MCC: variants seen among roughly 807,000 people sequenced by gnomAD.
MCC encodes MCC regulator of Wnt signaling pathway.
MCC carries 90 observed loss-of-function variants against 116.2 expected under a neutral mutation model. That is an observed-to-expected ratio of 0.77 (90% CI 0.65 to 0.92). The LOEUF (loss-of-function observed/expected upper bound fraction) is 0.92, where lower values mean the gene tolerates loss of function less well. MCC is among the 40% of genes least tolerant of loss of function. MCC has a pLI of 0.00. For synonymous variants in MCC, 578 were observed against 510.5 expected (o/e 1.13, Z -1.78); for missense variants, 1,516 against 1,312.2 (o/e 1.16, Z -2.40).
At chr5:113,354,577 G>C (rs1768363150) in intron 2 of MCC, among the ~76,000 whole-genome samples, 1 of 151,668 alleles carries the variant, frequency 6.6e-6, no homozygotes, top group Non-Finnish European at 1.5e-5. Context: ...TGGGATTACA[G>C]GCATGCACCA....
At chr5:113,073,103 C>G (rs1754156319) in intron 11 of MCC, among the ~76,000 whole-genome samples, 1 of 149,444 alleles carries the variant, frequency 6.7e-6, no homozygotes, top group South Asian at 2.1e-4. Context: ...TTCAGTTCAT[C>G]AGCTGTCATT....
At chr5:113,397,207 A>G (rs530044788) in intron 1 of MCC, among the ~76,000 whole-genome samples, 3 of 152,228 alleles carry the variant, frequency 2.0e-5, no homozygotes, top group Non-Finnish European at 4.4e-5. Context: ...TATGACATGC[A>G]TCTGAAGGAA....
At position 113,181,757 on chromosome 5, in the gene MCC, A is replaced by G. The variant is rs528869948; in HGVS notation, c.628-30335T>C. Among the ~76,000 whole-genome samples the G allele has an allele frequency of 5.3e-5, 8 of 152,358 alleles. No homozygotes were observed. The South Asian group carries it at 1.7e-3, about 32-fold the overall frequency. On this transcript the variant is annotated intron_variant, in intron 3 of 18. Transcript: ENST00000408903. ...GCCTGGAGAGTTCCCTTCTTCACAT[A>G]TAAAACTCACAATTACAAAACCAAA...
At chr5:113,042,788 T>A (rs1183239432) in intron 17 of MCC, among the ~76,000 whole-genome samples, 2 of 151,348 alleles carry the variant, frequency 1.3e-5, no homozygotes, top group African/African-American at 2.4e-5. Flanking sequence ...TAAAAAAAAA[T>A]TTCATTAATA....
intron 6 of MCC, among the ~76,000 whole-genome samples, chr5:113,108,652 C>CAAA (rs58617659): frequency 1.4e-4 from 16 of 115,324 alleles, no homozygotes; most frequent in African/African-American, 5.3e-4. Flanking sequence ...GACTCCATTT[C>CAAA]AAAAAAAAAA....
chr5:113,367,997 T>C (rs185742179), intron 2 of MCC, among the ~76,000 whole-genome samples: 1 of 152,290 alleles, frequency 6.6e-6, no homozygotes, highest in African/African-American at 2.4e-5. Context: ...TCAGTGGGAA[T>C]ACATGAAAGA....
intron 3 of MCC, among the ~76,000 whole-genome samples, chr5:113,215,570 G>T (rs111988628): frequency 0.026 from 3,917 of 152,150 alleles, 56 homozygotes; most frequent in Non-Finnish European, 0.033. Flanking sequence ...ATGGGCTGGC[G>T]GGGGAGGGCG....
At chr5:113,130,409 T>C (rs1337149955) in intron 5 of MCC, among the ~76,000 whole-genome samples, 2 of 152,066 alleles carry the variant, frequency 1.3e-5, no homozygotes, top group Non-Finnish European at 1.5e-5. Context: ...CAAACCACCA[T>C]GGCACATGTA....
chr5:113,225,033 G>A (rs73244755), intron 3 of MCC, among the ~76,000 whole-genome samples: 7,288 of 152,192 alleles, frequency 0.048, 464 homozygotes, highest in African/African-American at 0.15. Context: ...TGAAGAATGA[G>A]GCCACATCCA....
chr5:113,398,392 CA>C (rs1321012756), intron 1 of MCC, among the ~76,000 whole-genome samples: 1 of 152,164 alleles, frequency 6.6e-6, no homozygotes, highest in Admixed American at 6.5e-5. Context: ...GTATGCTAAT[CA>C]CAGCACTATT....
At chr5:113,321,877 G>A (rs961571010) in intron 3 of MCC, among the ~76,000 whole-genome samples, 2 of 152,014 alleles carry the variant, frequency 1.3e-5, no homozygotes, top group Non-Finnish European at 2.9e-5. Flanking sequence ...TGTTGCCCAG[G>A]CTGGAGTGCA....
At chr5:113,402,296 A>G (rs868566171) in intron 1 of MCC, among the ~76,000 whole-genome samples, 2 of 141,454 alleles carry the variant, frequency 1.4e-5, no homozygotes, top group Non-Finnish European at 3.2e-5. Flanking sequence ...TCCGTCTCAA[A>G]AAAAAAAAAA....
intron 3 of MCC, among the ~76,000 whole-genome samples, chr5:113,169,921 A>G (rs1455645708): frequency 1.3e-5 from 2 of 152,178 alleles, no homozygotes; most frequent in Non-Finnish European, 2.9e-5. Flanking sequence ...AAATGATAAC[A>G]TTTCTATTCT....
At chr5:113,273,247 G>A (rs1374756655) in intron 3 of MCC, among the ~76,000 whole-genome samples, 1 of 152,190 alleles carries the variant, frequency 6.6e-6, no homozygotes, top group East Asian at 1.9e-4. Context: ...CAGAAGGAAT[G>A]CCATGAGTAT....
chr5:113,043,609 G>A lies in MCC; in HGVS notation c.2677C>T (p.Pro893Ser). The A allele has an allele frequency of 6.2e-7, 1 of 1,613,980 alleles. No homozygotes were observed. Among genetic ancestry groups the A allele is most frequent in the Non-Finnish European group, 8.5e-7 (1 of 1,179,860 alleles). ...CTGAGTTCGGCTAGGGACAGAGCTG[G>A]GGAGGCAGCATCAGCACACTCCTGA... Reference protein sequence around the residue: ...PGKECADAASPALSLAELRTT... With the variant: ...PGKECADAASSALSLAELRTT... Residue 893 changes from proline to serine, a missense_variant, in exon 17 of 19, where the codon CCA becomes TCA. Physicochemically the swap from Pro to Ser is moderately conservative, Grantham distance 74 (BLOSUM62 -1). Transcript: ENST00000408903.
chr5:113,403,578 C>T (rs929641115), intron 1 of MCC, among the ~76,000 whole-genome samples: 1 of 152,076 alleles, frequency 6.6e-6, no homozygotes, highest in African/African-American at 2.4e-5. Context: ...TCTGGTTTGG[C>T]CTGGATCTGT....
intron 3 of MCC, among the ~76,000 whole-genome samples, chr5:113,231,169 T>G (rs144579338): frequency 6.6e-6 from 1 of 152,322 alleles, no homozygotes; most frequent in East Asian, 1.9e-4. Context: ...CTTTTTTGTT[T>G]TGTTTTTTAC....
chr5:113,048,340 G>C (rs1036073346), intron 16 of MCC, among the ~76,000 whole-genome samples: 5 of 152,178 alleles, frequency 3.3e-5, no homozygotes, highest in Non-Finnish European at 7.3e-5. Context: ...ATTCTGAGCA[G>C]CGTGATGAAA....
rs965335871 is a variant in MCC at position 113,023,906 on chromosome 5, T to A, written c.*3396A>T. 6.6e-6 allele frequency: 1 copy of A among 152,212 alleles called. No homozygotes were observed. Among genetic ancestry groups the A allele is most frequent in the Non-Finnish European group, 1.5e-5 (1 of 68,034 alleles). 9.4% of individuals were successfully genotyped at this position (152,212 alleles called of 1,614,324 possible). On this transcript the variant is annotated 3_prime_UTR_variant, in exon 19 of 19. Coordinates refer to ENST00000408903, the MANE Select transcript of MCC (RefSeq NM_001085377.2). The stretch of plus-strand genomic sequence containing the variant: ...CAAGCAACTATGGAGGTTCTTTAAT[T>A]CATGCCAGGGACACAGGCAGTCCAA...
Sources: allele counts gnomAD v4.1 joint callset (sites outside exome capture counted in the v4.1 genomes callset), GRCh38; gene constraint gnomAD v4.1.1; transcripts MANE v1.5; gene names NCBI Gene and HGNC (gene_info 2026-07-23, HGNC 2026-07-21).